Variants in RBFOX1 observed in about 807,000 individuals in gnomAD.
The protein encoded by RBFOX1 is RNA binding fox-1 homolog 1.
Under a neutral mutation model 57.7 loss-of-function variants are expected in RBFOX1, and 8 were observed. The ratio of observed to expected loss-of-function variants is 0.14; its 90% CI spans 0.08 to 0.25. The LOEUF (loss-of-function observed/expected upper bound fraction) is 0.25, where lower values mean the gene tolerates loss of function less well. Ranked by LOEUF, RBFOX1 falls within the 10% of genes least tolerant of loss-of-function variation. The pLI is 1.00. For missense variants in RBFOX1, 611 were observed against 548.5 expected, an observed-to-expected ratio of 1.11 and a Z score of -1.14; for synonymous variants, 326 against 222.4, an observed-to-expected ratio of 1.47 and a Z score of -4.15.
intron 2 of RBFOX1, among the ~76,000 whole-genome samples, chr16:6,361,456 C>T (rs1339493889): frequency 6.6e-6 from 1 of 151,750 alleles, no homozygotes; most frequent in African/African-American, 2.4e-5. Context: ...GGTGACACCC[C>T]GTGTCTACTA....
At chr16:6,751,432 G>A (rs1406704297) in intron 3 of RBFOX1, among the ~76,000 whole-genome samples, 1 of 152,050 alleles carries the variant, frequency 6.6e-6, no homozygotes, top group Non-Finnish European at 1.5e-5. Context: ...TGTATTCTTG[G>A]GGCATTTGTA....
At chr16:5,360,754 G>A (rs149731082) in intron 1 of RBFOX1, among the ~76,000 whole-genome samples, 9 of 152,318 alleles carry the variant, frequency 5.9e-5, no homozygotes, top group African/African-American at 2.2e-4. Context: ...AATGTCAACA[G>A]CTGAAACTGT....
chr16:6,464,495 T>G (rs562124375), intron 2 of RBFOX1, among the ~76,000 whole-genome samples: 23 of 152,234 alleles, frequency 1.5e-4, no homozygotes, highest in Non-Finnish European at 2.5e-4. Flanking sequence ...TACCCTGATC[T>G]AATGCATACT....
chr16:7,242,874 C>T (rs1463205667), intron 4 of RBFOX1, among the ~76,000 whole-genome samples: 2 of 152,118 alleles, frequency 1.3e-5, no homozygotes, highest in Admixed American at 6.6e-5. Flanking sequence ...ATGGAGTCTG[C>T]GGACAGTTTG....
intron 4 of RBFOX1, among the ~76,000 whole-genome samples, chr16:7,257,479 C>A (rs931724312): frequency 6.6e-6 from 1 of 152,162 alleles, no homozygotes; most frequent in African/African-American, 2.4e-5. Flanking sequence ...GTATGGCTGT[C>A]AGCCATACCC....
intron 3 of RBFOX1, among the ~76,000 whole-genome samples, chr16:7,000,541 C>G (rs62016446): frequency 0.22 from 31,317 of 145,630 alleles, 3,635 homozygotes; most frequent in Middle Eastern, 0.34. Context: ...TTCAATTTTG[C>G]TTTTGGCAAA....
intron 4 of RBFOX1, among the ~76,000 whole-genome samples, chr16:7,388,774 G>C (rs2097930984): frequency 6.7e-6 from 1 of 148,738 alleles, no homozygotes; most frequent in African/African-American, 2.5e-5. Flanking sequence ...CTTTGTGTTA[G>C]ATGAGTTTGT....
chr16:6,311,430 T>C (rs1436260928), intron 1 of RBFOX1, among the ~76,000 whole-genome samples: 1 of 151,696 alleles, frequency 6.6e-6, no homozygotes. Flanking sequence ...ACCAAGCATC[T>C]GATGTGGGGA....
chr16:7,119,647 C>T (rs1318551520), intron 4 of RBFOX1, among the ~76,000 whole-genome samples: 1 of 151,430 alleles, frequency 6.6e-6, no homozygotes, highest in Non-Finnish European at 1.5e-5. Context: ...GCCAAGTCAC[C>T]AAAAAGACAA....
At chr16:5,778,771 A>G (rs760859241) in intron 3 of RBFOX1, among the ~76,000 whole-genome samples, 1 of 152,082 alleles carries the variant, frequency 6.6e-6, no homozygotes, top group Non-Finnish European at 1.5e-5. Context: ...TTTGAGCTCT[A>G]ACTCCCACCC....
At chr16:5,928,571 G>T (rs2058982193) in intron 4 of RBFOX1, among the ~76,000 whole-genome samples, 1 of 151,922 alleles carries the variant, frequency 6.6e-6, no homozygotes, top group African/African-American at 2.4e-5. Context: ...GGTAACACTG[G>T]TGAAAGTCAC....
At chr16:5,913,235 A>G (rs1481759629) in intron 4 of RBFOX1, among the ~76,000 whole-genome samples, 2 of 152,164 alleles carry the variant, frequency 1.3e-5, no homozygotes, top group Non-Finnish European at 1.5e-5. Context: ...TCCCACGGTT[A>G]TTTATTGGGA....
intron 1 of RBFOX1, among the ~76,000 whole-genome samples, chr16:5,415,429 A>C (rs1303956400): frequency 6.6e-6 from 1 of 152,214 alleles, no homozygotes; most frequent in African/African-American, 2.4e-5. Context: ...GATTACAATT[A>C]GAGATGAGAT....
At chr16:5,724,913 G>A (rs775555873) in intron 3 of RBFOX1, among the ~76,000 whole-genome samples, 10 of 152,192 alleles carry the variant, frequency 6.6e-5, no homozygotes, top group African/African-American at 1.7e-4. Context: ...TTCCTGCCAC[G>A]TAGTGAAATC....
intron 4 of RBFOX1, among the ~76,000 whole-genome samples, chr16:5,976,501 A>G (rs966797136): frequency 1.3e-5 from 2 of 152,208 alleles, no homozygotes; most frequent in Non-Finnish European, 2.9e-5. Flanking sequence ...AAGAAATTCC[A>G]GGGTGGTCCA....
chr16:6,662,601 A>C (rs1259371723), intron 3 of RBFOX1, among the ~76,000 whole-genome samples: 1 of 152,050 alleles, frequency 6.6e-6, no homozygotes, highest in Non-Finnish European at 1.5e-5. Flanking sequence ...TTCCTTGTCA[A>C]CTATTTCTCA....
intron 2 of RBFOX1, among the ~76,000 whole-genome samples, chr16:5,516,707 A>G (rs2043805100): frequency 6.6e-6 from 1 of 152,044 alleles, no homozygotes; most frequent in Admixed American, 6.6e-5. Flanking sequence ...AAGGTAATTG[A>G]GTCATGGGGG....
At chr16:7,427,608 TTTTC>T (rs2098633863) in intron 4 of RBFOX1, among the ~76,000 whole-genome samples, 1 of 151,982 alleles carries the variant, frequency 6.6e-6, no homozygotes, top group African/African-American at 2.4e-5. Flanking sequence ...CTTTCTTTTC[TTTTC>T]TTTTTCTTCT....
chr16:6,658,319 C>G, intron 3 of RBFOX1, among the ~76,000 whole-genome samples: 1 of 151,722 alleles, frequency 6.6e-6, no homozygotes, highest in Non-Finnish European at 1.5e-5. Flanking sequence ...CAGCTCATTG[C>G]AACCTCCGCC....
Sources: gnomAD v4.1 joint callset for allele counts (sites outside exome capture counted in the v4.1 genomes callset) on GRCh38, gnomAD v4.1.1 for gene constraint, MANE v1.5 for transcripts, NCBI Gene and HGNC (gene_info 2026-07-23, HGNC 2026-07-21) for gene names.